Variants in SNRPB2 observed in about 807,000 individuals in gnomAD.
SNRPB2 encodes the protein small nuclear ribonucleoprotein polypeptide B2, also known as U2 small nuclear ribonucleoprotein B''.
Under a neutral mutation model 26.3 loss-of-function variants are expected in SNRPB2, and 16 were observed. The observed-to-expected ratio is 0.61, with a 90% CI of 0.41 to 0.92. SNRPB2 has a LOEUF of 0.92. Ranked by LOEUF, SNRPB2 falls within the 40% of genes least tolerant of loss-of-function variation. The pLI is 0.00. For missense variants in SNRPB2, 179 were observed against 268.1 expected, an observed-to-expected ratio of 0.67 and a Z score of 2.32; for synonymous variants, 75 against 89.0, an observed-to-expected ratio of 0.84 and a Z score of 0.88.
At position 16,737,405 on chromosome 20, in the gene SNRPB2, A is replaced by G. The variant is rs767165404; in HGVS notation, c.378+4A>G. 4 of 1,573,420 alleles carry G rather than the reference A, an allele frequency of 2.5e-6. No homozygotes were observed. Among genetic ancestry groups the G allele is most frequent in the Non-Finnish European group, 3.4e-6 (4 of 1,169,190 alleles). On this transcript the variant is annotated splice_donor_region_variant and intron_variant, in intron 4 of 6. Transcript: ENST00000246071. Reference sequence around the variant, plus strand: ...CACAAACAAAAAGCCTGGCCAGGTAAGAAAGACCAAGAAAGTTCCTGTTTG... The same window carrying G: ...CACAAACAAAAAGCCTGGCCAGGTAGGAAAGACCAAGAAAGTTCCTGTTTG...
At chr20:16,733,297 C>T (rs2072404805) in intron 3 of SNRPB2, among the ~76,000 whole-genome samples, 1 of 152,208 alleles carries the variant, frequency 6.6e-6, no homozygotes, top group African/African-American at 2.4e-5. Flanking sequence ...GTTTCTGTTA[C>T]CTGTTCTTTT....
At position 16,737,393 on chromosome 20, in the gene SNRPB2, C is replaced by T; in HGVS notation, c.370C>T (p.Pro124Ser). 1 of 1,580,862 alleles carries T rather than the reference C, an allele frequency of 6.3e-7. No individual in the cohort carries two copies. Among genetic ancestry groups the T allele is most frequent in the Non-Finnish European group, 8.5e-7 (1 of 1,171,550 alleles). The change falls in exon 4 of 7, where the codon CCT (proline) becomes TCT (serine). Residue 124 changes from proline to serine, a missense_variant. Pro to Ser is a moderately conservative substitution (Grantham distance 74). Around this residue, in one of 2 missense-constraint regions of SNRPB2, gnomAD observed 145 missense variants for 180.7 expected, o/e 0.80. Coordinates refer to ENST00000246071, the MANE Select transcript of SNRPB2 (RefSeq NM_003092.5). ...GACTGCAACAACCACAAACAAAAAG[C>T]CTGGCCAGGTAAGAAAGACCAAGAA... Reference protein sequence around the residue: ...EQTATTTNKKPGQGTPNSANT... With the variant: ...EQTATTTNKKSGQGTPNSANT...
chr20:16,732,956 C>T (rs2072402580), intron 3 of SNRPB2, among the ~76,000 whole-genome samples: 1 of 152,114 alleles, frequency 6.6e-6, no homozygotes, highest in Non-Finnish European at 1.5e-5. Context: ...TGATGTAAGT[C>T]AGAGATGGTA....
intron 3 of SNRPB2, 151 bp from the exon 4 acceptor site, chr20:16,737,110 A>G (rs1362962019): frequency 1.9e-6 from 1 of 515,688 alleles, no homozygotes; most frequent in East Asian, 3.4e-5. Flanking sequence ...GTTTACTTCC[A>G]TTTGGCACTC....
intron 3 of SNRPB2, among the ~76,000 whole-genome samples, chr20:16,735,990 A>G (rs145903122): frequency 7.9e-5 from 12 of 152,328 alleles, no homozygotes; most frequent in East Asian, 3.9e-4. Flanking sequence ...CAACTCTCCA[A>G]TGCATTTTTG....
chr20:16,739,390 A>G (rs2072448909), intron 5 of SNRPB2, among the ~76,000 whole-genome samples: 1 of 152,078 alleles, frequency 6.6e-6, no homozygotes, highest in South Asian at 2.1e-4. Context: ...TCCTTGTACA[A>G]ATGTTTTAGA....
chr20:16,731,839 C>T (rs2072393889), intron 2 of SNRPB2, 73 bp downstream of exon 2: 1 of 1,591,296 alleles, frequency 6.3e-7, no homozygotes. Context: ...ATTGTACTGC[C>T]TCAAAACCTC....
intron 5 of SNRPB2, among the ~76,000 whole-genome samples, chr20:16,739,496 C>T (rs1003572606): frequency 6.6e-6 from 1 of 151,876 alleles, no homozygotes; most frequent in Non-Finnish European, 1.5e-5. Flanking sequence ...ATGGCGGGGT[C>T]TGGCAAGATC....
chr20:16,730,721 G>A (rs1328240123), intron 1 of SNRPB2: 1 of 152,218 alleles, frequency 6.6e-6, no homozygotes, highest in Non-Finnish European at 1.5e-5. Flanking sequence ...TAAATACTGT[G>A]AGATAAAGGA....
chr20:16,731,907 G>T, intron 2 of SNRPB2, 141 bp downstream of exon 2: 1 of 1,396,936 alleles, frequency 7.2e-7, no homozygotes, highest in Admixed American at 2.8e-5. Flanking sequence ...ATAGGGATTT[G>T]AAGGCTTTTA....
Position 16,741,439 on chromosome 20 carries a change from T to C in SNRPB2, c.*434T>C, listed in dbSNP as rs1219802184. 6.6e-6 allele frequency: 1 copy of C among 152,498 alleles called. No individual in the cohort carries two copies. Among genetic ancestry groups the C allele is most frequent in the Non-Finnish European group, 1.5e-5 (1 of 68,246 alleles). 9.4% of individuals were successfully genotyped at this position (152,498 alleles called of 1,614,324 possible). A position where few individuals can be genotyped will look rare whatever the true frequency, so the allele number is the denominator to read the frequency against. On this transcript the variant is annotated 3_prime_UTR_variant, in exon 7 of 7. Transcript: ENST00000246071. ...GTATTAATGGTAACAATGATTGTTC[T>C]GGGTATTAGAAGAAAATGAGACCCA... is the stretch of plus-strand genomic sequence containing the variant.
At chr20:16,740,479 G>C in intron 6 of SNRPB2, 66 bp downstream of exon 6, 2 of 1,584,214 alleles carry the variant, frequency 1.3e-6, no homozygotes, top group African/African-American at 1.4e-5. Context: ...TACTTCCGTG[G>C]GTTGAATCCA....
chr20:16,735,695 T>G (rs2072421785), intron 3 of SNRPB2, among the ~76,000 whole-genome samples: 1 of 152,188 alleles, frequency 6.6e-6, no homozygotes, highest in Non-Finnish European at 1.5e-5. Flanking sequence ...TTTTGAACCC[T>G]TCCCTGTTGT....
rs533020015 is a variant in SNRPB2, at chr20:16,736,475, G to A, written c.238-786G>A. ...TTATTTAAATCCTCACATTTATGAT[G>A]TTTAGAATTCTAAAAAATGAAAAAA... On this transcript the variant is annotated intron_variant, in intron 3 of 6. Transcript: ENST00000246071. Among the ~76,000 whole-genome samples the A allele has an allele frequency of 5.9e-5, 9 of 152,202 alleles. No homozygotes were observed. The South Asian group carries it at 1.9e-3, about 32-fold the overall frequency.
intron 3 of SNRPB2, among the ~76,000 whole-genome samples, chr20:16,735,693 C>T (rs546740316): frequency 6.6e-6 from 1 of 152,228 alleles, no homozygotes; most frequent in South Asian, 2.1e-4. Context: ...GTTTTTGAAC[C>T]CTTCCCTGTT....
At chr20:16,737,992 T>C (rs1361136811) in intron 4 of SNRPB2, among the ~76,000 whole-genome samples, 1 of 149,584 alleles carries the variant, frequency 6.7e-6, no homozygotes, top group Non-Finnish European at 1.5e-5. Context: ...TGAGCCGAGA[T>C]TGTGCCACTG....
In SNRPB2 at chr20:16,738,897, C is replaced by G. The variant is rs769059926; in HGVS notation, c.424C>G (p.Pro142Ala). The G allele has an allele frequency of 1.0e-5, 16 of 1,602,806 alleles. No individual in the cohort carries two copies. ...TACCCAAGGAAATTCAACACCAAAT[C>G]CTCAGGTAATTTTTTTTCCATGTCG... ...ANTQGNSTPN[P>A]QVPDYPPNYI... The change falls in exon 5 of 7, where the codon CCT (proline) becomes GCT (alanine). Residue 142 changes from proline to alanine, a missense_variant. By Grantham distance (27) the Pro-to-Ala change is conservative. Coordinates refer to ENST00000246071, the MANE Select transcript of SNRPB2 (RefSeq NM_003092.5).
chr20:16,738,067 A>C (rs61597372), intron 4 of SNRPB2, among the ~76,000 whole-genome samples: 10 of 150,164 alleles, frequency 6.7e-5, no homozygotes, highest in African/African-American at 2.5e-4. Context: ...AAAAAAACCC[A>C]AAAAACAAAC....
chr20:16,741,012 G>A lies in SNRPB2; in HGVS notation c.*7G>A, dbSNP rs148357272. The A allele has an allele frequency of 5.0e-4, 796 of 1,591,694 alleles. 5 individuals are homozygous for A. In the African/African-American group the frequency reaches 9.7e-3, roughly 19 times the overall value. The stretch of plus-strand genomic sequence containing the variant: ...CACCTATGCCAAGAAATAACATTTG[G>A]GATAGTCGTCTTTAAAAGACTTGGT... On this transcript the variant is annotated 3_prime_UTR_variant, in exon 7 of 7. Coordinates refer to ENST00000246071, the MANE Select transcript of SNRPB2 (RefSeq NM_003092.5).
Sources: allele counts gnomAD v4.1 joint callset (sites outside exome capture counted in the v4.1 genomes callset), GRCh38; gene constraint gnomAD v4.1.1; regional missense constraint gnomAD v4.1.1; transcripts MANE v1.5; gene names NCBI Gene and HGNC (gene_info 2026-07-23, HGNC 2026-07-21).